Variants in TMCC1 observed in about 807,000 individuals in gnomAD.
TMCC1 encodes the protein transmembrane and coiled-coil domain family 1.
Under a neutral mutation model 52.4 loss-of-function variants are expected in TMCC1, and 15 were observed. The ratio of observed to expected loss-of-function variants is 0.29; its 90% CI spans 0.19 to 0.44. The LOEUF is 0.44. Among genes scored for constraint, TMCC1 ranks in the 20% least tolerant of loss-of-function variants. The probability of loss-of-function intolerance (pLI) is 1.00; values close to 1 mark genes in which losing one functional copy is unlikely to be tolerated. For synonymous variants in TMCC1, 279 were observed against 301.9 expected, an observed-to-expected ratio of 0.92 and a Z score of 0.79; for missense variants, 503 against 806.0, an observed-to-expected ratio of 0.62 and a Z score of 4.55.
chr3:129,747,443 A>C (rs983640983), intron 4 of TMCC1, among the ~76,000 whole-genome samples: 3 of 152,222 alleles, frequency 2.0e-5, no homozygotes, highest in African/African-American at 7.2e-5. Context: ...ATATTGTTTC[A>C]AAATTATTTA....
At chr3:129,774,244 A>G (rs1467208161) in intron 4 of TMCC1, among the ~76,000 whole-genome samples, 1 of 152,212 alleles carries the variant, frequency 6.6e-6, no homozygotes, top group African/African-American at 2.4e-5. Flanking sequence ...GCCACTTCTG[A>G]GAATAATATT....
chr3:129,801,154 A>G (rs1277443455), intron 4 of TMCC1, among the ~76,000 whole-genome samples: 1 of 151,964 alleles, frequency 6.6e-6, no homozygotes, highest in African/African-American at 2.4e-5. Context: ...CAATCTCCTG[A>G]CCTTTTGATC....
At chr3:129,768,564 C>T (rs1386636403) in intron 4 of TMCC1, among the ~76,000 whole-genome samples, 1 of 152,096 alleles carries the variant, frequency 6.6e-6, no homozygotes, top group Non-Finnish European at 1.5e-5. Context: ...ACCATCCATT[C>T]TTTTTCTCAT....
At chr3:129,663,223 A>G (rs1383579818) in intron 5 of TMCC1, among the ~76,000 whole-genome samples, 1 of 152,108 alleles carries the variant, frequency 6.6e-6, no homozygotes, top group African/African-American at 2.4e-5. Flanking sequence ...TGTGGCTCAA[A>G]AGTTTGGAGC....
chr3:129,784,093 G>A (rs893185392), intron 4 of TMCC1, among the ~76,000 whole-genome samples: 1 of 152,062 alleles, frequency 6.6e-6, no homozygotes, highest in South Asian at 2.1e-4. Flanking sequence ...AGTATGGGAA[G>A]GGATGGGAAA....
chr3:129,888,972 AT>A (rs532294182), intron 1 of TMCC1, among the ~76,000 whole-genome samples: 195 of 152,280 alleles, frequency 1.3e-3, no homozygotes, highest in Admixed American at 5.6e-3. Context: ...AGAACGTTCT[AT>A]AAAAATACCT....
chr3:129,881,539 A>T (rs1267525529), intron 1 of TMCC1, among the ~76,000 whole-genome samples: 1 of 152,192 alleles, frequency 6.6e-6, no homozygotes, highest in Non-Finnish European at 1.5e-5. Context: ...AGAAACTAAA[A>T]GTTGACATGA....
intron 4 of TMCC1, among the ~76,000 whole-genome samples, chr3:129,784,442 T>A (rs1378885107): frequency 6.6e-6 from 1 of 151,824 alleles, no homozygotes; most frequent in East Asian, 1.9e-4. Flanking sequence ...GGCGGGCGCC[T>A]GTAGTTCCAG....
At chr3:129,792,397 G>A (rs2107751982) in intron 4 of TMCC1, among the ~76,000 whole-genome samples, 1 of 151,932 alleles carries the variant, frequency 6.6e-6, no homozygotes, top group South Asian at 2.1e-4. Context: ...ACCCAGGCTG[G>A]AGTGCAGTGG....
chr3:129,738,588 G>T (rs1376473451), intron 4 of TMCC1, among the ~76,000 whole-genome samples: 1 of 152,084 alleles, frequency 6.6e-6, no homozygotes, highest in Non-Finnish European at 1.5e-5. Context: ...GTTATAATAG[G>T]AGACAGGGAA....
At chr3:129,699,401 T>C (rs2047648931) in intron 4 of TMCC1, among the ~76,000 whole-genome samples, 1 of 152,204 alleles carries the variant, frequency 6.6e-6, no homozygotes, top group Admixed American at 6.5e-5. Flanking sequence ...GTCCAGAAGT[T>C]ACCCTATATG....
intron 4 of TMCC1, among the ~76,000 whole-genome samples, chr3:129,764,749 GTGTGTGTGTATATATATATATATA>G (rs2053936072): frequency 2.2e-4 from 1 of 4,514 alleles, no homozygotes; most frequent in Non-Finnish European, 5.0e-4. Context: ...GTGTGTGTGT[GTGTGTGTGTATATATATATATATA>G]TATATATATA....
At chr3:129,664,403 G>A (rs1400889663) in intron 5 of TMCC1, among the ~76,000 whole-genome samples, 2 of 152,184 alleles carry the variant, frequency 1.3e-5, no homozygotes, top group Non-Finnish European at 1.5e-5. Context: ...AACAGCCTGT[G>A]CCTAATTGGG....
At chr3:129,840,193 G>A (rs1049896208) in intron 2 of TMCC1, among the ~76,000 whole-genome samples, 1 of 151,832 alleles carries the variant, frequency 6.6e-6, no homozygotes, top group Non-Finnish European at 1.5e-5. Flanking sequence ...TGGGCATGGT[G>A]GCATATGCCT....
chr3:129,651,275 A>AT lies in TMCC1; in HGVS notation c.*205dup. On this transcript the variant is annotated 3_prime_UTR_variant, in exon 7 of 7. Coordinates refer to ENST00000393238, the MANE Select transcript of TMCC1 (RefSeq NM_001017395.5). The surrounding 1 kb of genome is among the most constrained non-coding windows in gnomAD (Gnocchi z 5.1). ...TCATGCTACATAAAAATGATCCAAGATTTTCGCCCAAAAAACTTCTTGGAT... is the reference window on the plus strand; with the variant it reads ...TCATGCTACATAAAAATGATCCAAGATTTTTCGCCCAAAAAACTTCTTGGAT... The AT allele has an allele frequency of 1.7e-6, 1 of 590,930 alleles. No individual in the cohort carries two copies. The highest frequency in any genetic ancestry group is 2.5e-5 in the South Asian group (1 of 40,332). 36.6% of individuals were successfully genotyped at this position (590,930 alleles called of 1,614,324 possible). A position where few individuals can be genotyped will look rare whatever the true frequency, so the allele number is the denominator to read the frequency against.
intron 4 of TMCC1, among the ~76,000 whole-genome samples, chr3:129,749,427 G>C (rs1400632972): frequency 6.6e-6 from 1 of 151,938 alleles, no homozygotes; most frequent in Non-Finnish European, 1.5e-5. Context: ...AAACAAAATG[G>C]AAAGAAAAGA....
At chr3:129,840,529 G>A (rs929169974) in intron 2 of TMCC1, among the ~76,000 whole-genome samples, 1 of 152,108 alleles carries the variant, frequency 6.6e-6, no homozygotes, top group African/African-American at 2.4e-5. Flanking sequence ...GGATAAAGAG[G>A]AGTGATCTGG....
chr3:129,891,816 G>A (rs1325822879), intron 1 of TMCC1, among the ~76,000 whole-genome samples: 1 of 152,166 alleles, frequency 6.6e-6, no homozygotes, highest in Non-Finnish European at 1.5e-5. Context: ...TTAAACCTAA[G>A]CCCTGAGCCA....
chr3:129,709,497 A>AAAAGAG (rs554837910), intron 4 of TMCC1, among the ~76,000 whole-genome samples: 41,498 of 63,892 alleles, frequency 0.65, 17,734 homozygotes, highest in Non-Finnish European at 0.82. Flanking sequence ...AAAAAAAAAA[A>AAAAGAG]AGAGAGAGAG....
Sources: allele counts gnomAD v4.1 joint callset (sites outside exome capture counted in the v4.1 genomes callset), GRCh38; gene constraint gnomAD v4.1.1; non-coding constraint Gnocchi (gnomAD v3.1); transcripts MANE v1.5; gene names NCBI Gene and HGNC (gene_info 2026-07-23, HGNC 2026-07-21).